The following UHRF1 variants were observed in gnomAD, a reference collection of about 807,000 sequenced individuals.
UHRF1 encodes the protein ubiquitin like with PHD and ring finger domains 1, also known as E3 ubiquitin-protein ligase UHRF1.
Under a neutral mutation model 96.5 loss-of-function variants are expected in UHRF1, and 9 were observed. That is an observed-to-expected ratio of 0.09 (90% CI 0.06 to 0.16). UHRF1 has a LOEUF of 0.16. Among genes scored for constraint, UHRF1 ranks in the 10% least tolerant of loss-of-function variants. UHRF1 has a pLI of 1.00. For synonymous variants in UHRF1, 455 were observed against 469.9 expected (o/e 0.97, Z 0.41); for missense variants, 626 against 1,131.1 (o/e 0.55, Z 6.40).
At chr19:4,947,410 TC>T (rs957724154) in intron 11 of UHRF1, among the ~76,000 whole-genome samples, 199 bp downstream of exon 11, 19 of 144,440 alleles carry the variant, frequency 1.3e-4, no homozygotes, top group African/African-American at 4.8e-4. Flanking sequence ...GTCTGGTTCC[TC>T]CCGTATGTGT....
upstream of UHRF1, among the ~76,000 whole-genome samples, chr19:4,908,768 A>C (rs747406737): frequency 6.6e-6 from 1 of 152,220 alleles, no homozygotes; most frequent in African/African-American, 2.4e-5. Flanking sequence ...CCAGATAGGA[A>C]TTTTCCCTCC....
chr19:4,907,023 A>G (rs546960277), upstream of UHRF1, among the ~76,000 whole-genome samples: 10 of 152,296 alleles, frequency 6.6e-5, no homozygotes, highest in East Asian at 1.9e-3. Flanking sequence ...CAAACAGTGA[A>G]CAGCACCATC....
At chr19:4,943,181 C>T (rs149553904) in intron 7 of UHRF1, among the ~76,000 whole-genome samples, 3,365 of 145,094 alleles carry the variant, frequency 0.023, 53 homozygotes, top group Admixed American at 0.033. Flanking sequence ...CGGAGGTTGC[C>T]GTGAACTGAG....
chr19:4,925,510 C>T (rs1169253216), intron 2 of UHRF1, among the ~76,000 whole-genome samples: 1 of 151,962 alleles, frequency 6.6e-6, no homozygotes, highest in African/African-American at 2.4e-5. Context: ...TTTTATTTTG[C>T]CTTATATTTT....
At chr19:4,929,121 C>CACAAGGGCTGGGACACAGTGTTTG in intron 2 of UHRF1, 101 bp from the exon 3 acceptor site, 1 of 1,479,020 alleles carries the variant, frequency 6.8e-7, no homozygotes, top group Non-Finnish European at 9.1e-7. Context: ...TGCCCCCCCC[C>CACAAGGGCTGGGACACAGTGTTTG]CACAAGGGCT....
In UHRF1 at chr19:4,950,741, G is replaced by A. The variant is rs371287720; in HGVS notation, c.1648G>A (p.Ala550Thr). Reference protein sequence around the residue: ...KGGKNSKYAPAEGNRYDGIYK... With the variant: ...KGGKNSKYAPTEGNRYDGIYK... Reference sequence around the variant, plus strand: ...TGGCAAGAATAGCAAGTACGCCCCCGCTGAGGGCAACCGCTACGATGGCAT... The same window carrying A: ...TGGCAAGAATAGCAAGTACGCCCCCACTGAGGGCAACCGCTACGATGGCAT... The change falls in exon 12 of 17, where the codon GCT (alanine) becomes ACT (threonine). Residue 550 changes from alanine to threonine, a missense_variant. Coordinates refer to ENST00000650932, the MANE Select transcript of UHRF1 (RefSeq NM_001048201.3). 4.0e-5 allele frequency: 65 copies of A among 1,609,256 alleles called. No homozygotes were observed. The Middle Eastern group carries it at 6.6e-4, about 16-fold the overall frequency.
intron 2 of UHRF1, among the ~76,000 whole-genome samples, chr19:4,915,250 T>A (rs2032446850): frequency 6.6e-6 from 1 of 151,540 alleles, no homozygotes; most frequent in Non-Finnish European, 1.5e-5. Flanking sequence ...GGAGGGAGGG[T>A]CCCCACCACC....
At chr19:4,941,170 A>G (rs748090115) in intron 5 of UHRF1, among the ~76,000 whole-genome samples, 59 of 137,260 alleles carry the variant, frequency 4.3e-4, no homozygotes, top group Admixed American at 9.3e-4. Context: ...GGCTCACTGC[A>G]ACCTCTGCCT....
Position 4,909,672 on chromosome 19 carries a change from G to A in UHRF1, c.-11+17G>A. 1 of 523,292 alleles carries A rather than the reference G, an allele frequency of 1.9e-6. No homozygotes were observed. Among genetic ancestry groups the A allele is most frequent in the Non-Finnish European group, 3.3e-6 (1 of 300,060 alleles). 32.4% of individuals were successfully genotyped at this position (523,292 alleles called of 1,614,324 possible). On this transcript the variant is annotated intron_variant, in intron 1 of 16. Coordinates refer to ENST00000650932, the MANE Select transcript of UHRF1 (RefSeq NM_001048201.3). ...ACCGGAGAGGTGAGCGGGCGGGCCG[G>A]GTCGGGGTGCCAGCCCGGGCCGGGC...
chr19:4,905,673 A>G (rs2032052140), upstream of UHRF1, among the ~76,000 whole-genome samples: 4 of 151,624 alleles, frequency 2.6e-5, no homozygotes. Flanking sequence ...ACGTGCCACC[A>G]CATCTGGCTA....
intron 13 of UHRF1, among the ~76,000 whole-genome samples, chr19:4,952,782 T>C (rs1032001416): frequency 2.0e-5 from 3 of 151,894 alleles, no homozygotes; most frequent in Non-Finnish European, 2.9e-5. Flanking sequence ...AGACGTGACT[T>C]ATAGGTACCT....
intron 2 of UHRF1, among the ~76,000 whole-genome samples, chr19:4,920,221 C>T (rs1002458093): frequency 2.0e-5 from 3 of 152,074 alleles, no homozygotes; most frequent in Non-Finnish European, 4.4e-5. Flanking sequence ...CACCTGAGGT[C>T]GGGAGTTAGA....
In UHRF1 at chr19:4,923,602, TAGG is replaced by T. The variant is rs768146650; in HGVS notation, c.154-5614_154-5612del. Among the ~76,000 whole-genome samples the T allele has an allele frequency of 3.3e-5, 5 of 152,274 alleles. 1 individual carries two copies. Among genetic ancestry groups the T allele is most frequent in the Admixed American group, 1.3e-4 (2 of 15,294 alleles). On this transcript the variant is annotated intron_variant, in intron 2 of 16. Coordinates refer to ENST00000650932, the MANE Select transcript of UHRF1 (RefSeq NM_001048201.3). ...CTGGCAGATATCGCTGCTGCAAACA[TAGG>T]AGGAGCAGCTGCCCCTCTGCGCACG...
At chr19:4,959,396 G>T (rs2033935271) in intron 16 of UHRF1, among the ~76,000 whole-genome samples, 1 of 152,130 alleles carries the variant, frequency 6.6e-6, no homozygotes, top group Non-Finnish European at 1.5e-5. Context: ...TGGTCACCAG[G>T]CCTCTCCCCC....
At chr19:4,953,049 T>C (rs137947467) in intron 13 of UHRF1, among the ~76,000 whole-genome samples, 2 of 152,214 alleles carry the variant, frequency 1.3e-5, no homozygotes, top group East Asian at 3.9e-4. Context: ...AACGAGATCT[T>C]ATTGGTGGGA....
chr19:4,925,400 C>T (rs903910174), intron 2 of UHRF1, among the ~76,000 whole-genome samples: 2 of 152,146 alleles, frequency 1.3e-5, no homozygotes, highest in African/African-American at 4.8e-5. Flanking sequence ...CACTGCGTGG[C>T]CTTTTGTGTC....
intron 16 of UHRF1, among the ~76,000 whole-genome samples, chr19:4,959,131 A>G (rs1193222820): frequency 6.6e-6 from 1 of 151,820 alleles, no homozygotes; most frequent in African/African-American, 2.4e-5. Flanking sequence ...ACAGGCATAC[A>G]CCACCATGGC....
rs759759842 is a variant in UHRF1, at chr19:4,941,607, A to G, written c.865A>G (p.Met289Val). ...KIERPGEGSPMVDNPMRRKSG... is the reference protein window; with the variant it reads ...KIERPGEGSPVVDNPMRRKSG... ...TGAGCGGCCGGGTGAAGGGAGCCCC[A>G]TGGTTGACAACCCCATGAGACGTGA... The change falls in exon 6 of 17, where the codon ATG (methionine) becomes GTG (valine). Residue 289 changes from methionine (M) to valine (V), a missense_variant. Physicochemically the swap from Met to Val is conservative, Grantham distance 21. Around this residue, in one of 11 missense-constraint regions of UHRF1, gnomAD observed 198 missense variants for 235.1 expected, o/e 0.84. Transcript: ENST00000650932. The G allele has an allele frequency of 8.7e-6, 14 of 1,613,558 alleles. No individual in the cohort carries two copies. Among genetic ancestry groups the G allele is most frequent in the African/African-American group, 4.0e-5 (3 of 74,906 alleles).
intron 16 of UHRF1, among the ~76,000 whole-genome samples, chr19:4,958,302 C>T (rs2033908703): frequency 6.6e-6 from 1 of 152,200 alleles, no homozygotes; most frequent in Non-Finnish European, 1.5e-5. Context: ...CCCTCCAAGC[C>T]TCAGTTGGCC....
Sources: allele counts gnomAD v4.1 joint callset (sites outside exome capture counted in the v4.1 genomes callset), GRCh38; gene constraint gnomAD v4.1.1; regional missense constraint gnomAD v4.1.1; transcripts MANE v1.5; gene names NCBI Gene and HGNC (gene_info 2026-07-23, HGNC 2026-07-21).